The following FIG4 variants were observed in gnomAD, a reference collection of about 807,000 sequenced individuals.
FIG4 encodes FIG4 phosphoinositide 5-phosphatase, also known as polyphosphoinositide phosphatase.
In FIG4, 112 loss-of-function variants were observed where a neutral mutation model predicts 118.6. The observed-to-expected ratio is 0.94, with a 90% CI of 0.81 to 1.11. The LOEUF is 1.11. Among genes scored for constraint, FIG4 ranks in the 50% least tolerant of loss-of-function variants. FIG4 has a pLI of 0.00. For missense variants in FIG4, 969 were observed against 1,111.7 expected, an observed-to-expected ratio of 0.87 and a Z score of 1.83; for synonymous variants, 369 against 381.2, an observed-to-expected ratio of 0.97 and a Z score of 0.37.
intron 22 of FIG4, among the ~76,000 whole-genome samples, chr6:109,801,185 G>A (rs1778417783): frequency 6.6e-6 from 1 of 152,138 alleles, no homozygotes; most frequent in South Asian, 2.1e-4. Flanking sequence ...ATATAATACA[G>A]TTTGTATAAA....
chr6:109,796,167 G>A (rs1198788187), intron 21 of FIG4, among the ~76,000 whole-genome samples: 1 of 152,220 alleles, frequency 6.6e-6, no homozygotes, highest in East Asian at 1.9e-4. Flanking sequence ...TCATATGGCC[G>A]TTGTGCTCAT....
intron 1 of FIG4, among the ~76,000 whole-genome samples, chr6:109,706,617 G>A (rs1348411046): frequency 6.6e-6 from 1 of 152,114 alleles, no homozygotes; most frequent in Non-Finnish European, 1.5e-5. Flanking sequence ...AAATACAATG[G>A]CATAGTCTCA....
At position 109,823,857 on chromosome 6, in the gene FIG4, G is replaced by A. The variant is rs139534404; in HGVS notation, c.2547-1231G>A. Among the ~76,000 whole-genome samples, 1,232 of 152,230 alleles carry A rather than the reference G, an allele frequency of 8.1e-3. 24 individuals are homozygous for A. Among genetic ancestry groups the A allele is most frequent in the African/African-American group, 0.028 (1,171 of 41,538 alleles). ...GGCACCCTGTTATGGCCAACCACCCGCATTCTCACAGGGCCAGCCCTGAGC... is the reference window on the plus strand; with the variant it reads ...GGCACCCTGTTATGGCCAACCACCCACATTCTCACAGGGCCAGCCCTGAGC... On this transcript the variant is annotated intron_variant, in intron 22 of 22. Transcript: ENST00000230124.
chr6:109,805,236 T>A (rs1778532955), intron 22 of FIG4, among the ~76,000 whole-genome samples: 1 of 152,154 alleles, frequency 6.6e-6, no homozygotes, highest in Non-Finnish European at 1.5e-5. Flanking sequence ...GATTCCCTAC[T>A]GCTACCAAAT....
At chr6:109,773,141 A>G (rs1172030830) in intron 15 of FIG4, among the ~76,000 whole-genome samples, 1 of 152,098 alleles carries the variant, frequency 6.6e-6, no homozygotes, top group Non-Finnish European at 1.5e-5. Context: ...CACCAAATAC[A>G]TCTTGTGCTT....
chr6:109,770,864 C>T (rs1777437956), intron 15 of FIG4, among the ~76,000 whole-genome samples: 1 of 152,168 alleles, frequency 6.6e-6, no homozygotes, highest in South Asian at 2.1e-4. Context: ...ATCACAGGGT[C>T]AGGGTTTCAA....
intron 15 of FIG4, among the ~76,000 whole-genome samples, chr6:109,771,777 C>T (rs1334899953): frequency 1.3e-5 from 2 of 152,156 alleles, no homozygotes; most frequent in Non-Finnish European, 2.9e-5. Flanking sequence ...GGTGGCCCTG[C>T]TCCATCTTAA....
At chr6:109,813,185 A>G (rs1175988403) in intron 22 of FIG4, among the ~76,000 whole-genome samples, 1 of 152,194 alleles carries the variant, frequency 6.6e-6, no homozygotes, top group East Asian at 1.9e-4. Context: ...AAAAGTTACC[A>G]TTATAAAACA....
intron 10 of FIG4, among the ~76,000 whole-genome samples, chr6:109,758,305 A>C (rs927913299): frequency 7.9e-5 from 12 of 152,192 alleles, no homozygotes; most frequent in African/African-American, 2.7e-4. Flanking sequence ...ATGACACCAC[A>C]CATCTACAAC....
chr6:109,759,248 A>G (rs1229610933), intron 10 of FIG4, among the ~76,000 whole-genome samples: 1 of 152,216 alleles, frequency 6.6e-6, no homozygotes, highest in African/African-American at 2.4e-5. Context: ...CATATATACC[A>G]TGGAATACTA....
At chr6:109,808,350 CAAAAAA>C (rs55948419) in intron 22 of FIG4, among the ~76,000 whole-genome samples, 178 of 67,040 alleles carry the variant, frequency 2.7e-3, no homozygotes, top group African/African-American at 9.5e-3. Context: ...ACACTCACAG[CAAAAAA>C]AAAAAAAAAA....
At chr6:109,779,732 A>G (rs909494104) in intron 16 of FIG4, among the ~76,000 whole-genome samples, 1 of 152,194 alleles carries the variant, frequency 6.6e-6, no homozygotes, top group African/African-American at 2.4e-5. Flanking sequence ...CCACCTGTAC[A>G]GGTTATTTTG....
chr6:109,764,842 CT>C (rs1002038744), intron 13 of FIG4, among the ~76,000 whole-genome samples, 170 bp from the exon 14 acceptor site: 12 of 152,168 alleles, frequency 7.9e-5, no homozygotes, highest in Non-Finnish European at 1.6e-4. Context: ...ATTATTTTGA[CT>C]TTACATAAAA....
chr6:109,791,515 C>T lies in FIG4; in HGVS notation c.2320C>T (p.Gln774Ter). The T allele has an allele frequency of 2.5e-6, 4 of 1,614,028 alleles. No homozygotes were observed. The highest frequency in any genetic ancestry group is 1.7e-4 in the Middle Eastern group (1 of 6,060). The change falls in exon 20 of 23, where the codon CAG (glutamine) becomes TAG (stop). Residue 774 changes from glutamine (Q) to a stop codon, truncating the protein, a stop_gained. Coordinates refer to ENST00000230124, the MANE Select transcript of FIG4 (RefSeq NM_014845.6). LOFTEE classifies it high-confidence loss of function. Reference protein sequence around the residue: ...TDREEEGSVSQRSTPVKMTDA... With the variant: ...TDREEEGSVS ...TCGGGAAGAAGAGGGCTCTGTGTCT[C>T]AGCGCTCCACTCCCGTGAAGATGAC... is the stretch of plus-strand genomic sequence containing the variant.
At chr6:109,820,612 A>C (rs1778978008) in intron 22 of FIG4, among the ~76,000 whole-genome samples, 1 of 152,168 alleles carries the variant, frequency 6.6e-6, no homozygotes, top group Non-Finnish European at 1.5e-5. Context: ...CCTGCAGCTG[A>C]CAGTATGGCA....
chr6:109,772,998 GCAGAATTC>G (rs1163245647), intron 15 of FIG4, among the ~76,000 whole-genome samples: 2 of 152,170 alleles, frequency 1.3e-5, no homozygotes, highest in Non-Finnish European at 2.9e-5. Context: ...CTCATTGTTG[GCAGAATTC>G]CATGCAGCTA....
chr6:109,772,252 A>C (rs926291677), intron 15 of FIG4, among the ~76,000 whole-genome samples: 4 of 152,090 alleles, frequency 2.6e-5, no homozygotes, highest in Non-Finnish European at 4.4e-5. Context: ...AATAGGAGAG[A>C]GTCTCAGTCT....
chr6:109,786,346 C>T lies in FIG4; in HGVS notation c.1993C>T (p.His665Tyr), dbSNP rs1436344267. 6.2e-7 allele frequency: 1 copy of T among 1,613,380 alleles called. No homozygotes were observed. Among genetic ancestry groups the T allele is most frequent in the South Asian group, 1.1e-5 (1 of 91,058 alleles). ...NLKKLIVKKF[H>Y]KYEEEIDIHN... ...AAAGAAGTTGATAGTGAAGAAATTC[C>T]ACAAATATGAAGAAGAGATTGATAT... The change falls in exon 18 of 23, where the codon CAC becomes TAC. Residue 665 changes from histidine (H) to tyrosine (Y), a missense_variant. His to Tyr is a moderately conservative substitution (Grantham distance 83). Around this residue, in one of 3 missense-constraint regions of FIG4, gnomAD observed 330 missense variants for 348.1 expected, o/e 0.95. Coordinates refer to ENST00000230124, the MANE Select transcript of FIG4 (RefSeq NM_014845.6).
At chr6:109,780,353 C>T (rs151206423) in intron 16 of FIG4, among the ~76,000 whole-genome samples, 1 of 152,236 alleles carries the variant, frequency 6.6e-6, no homozygotes, top group East Asian at 1.9e-4. Flanking sequence ...GCTAGGACCA[C>T]AGGTGGACAC....
Sources: allele counts gnomAD v4.1 joint callset (sites outside exome capture counted in the v4.1 genomes callset), GRCh38; gene constraint gnomAD v4.1.1; regional missense constraint gnomAD v4.1.1; transcripts MANE v1.5; gene names NCBI Gene and HGNC (gene_info 2026-07-23, HGNC 2026-07-21).